The following DSC3 variants were observed in gnomAD, a reference collection of about 807,000 sequenced individuals.
DSC3 encodes desmocollin-3.
In DSC3, 97 loss-of-function variants were observed where a neutral mutation model predicts 89.5. That is an observed-to-expected ratio of 1.08 (90% confidence interval 0.92 to 1.28). DSC3 has a LOEUF of 1.28. DSC3 is among the 50% of genes most tolerant of loss of function. The probability of loss-of-function intolerance (pLI) is 0.00; values close to 1 mark genes in which losing one functional copy is unlikely to be tolerated. For synonymous variants in DSC3, 436 were observed against 384.1 expected, an observed-to-expected ratio of 1.14 and a Z score of -1.58; for missense variants, 1,199 against 1,085.3, an observed-to-expected ratio of 1.10 and a Z score of -1.47.
intron 8 of DSC3, 74 bp downstream of exon 8, chr18:31,018,592 A>T (rs1985311872): frequency 6.8e-7 from 1 of 1,467,278 alleles, no homozygotes; most frequent in African/African-American, 1.4e-5. Context: ...ATGAAGTATT[A>T]ATTTTATTAA....
In DSC3 at chr18:31,008,373, A is replaced by G; in HGVS notation, c.1416T>C (p.Thr472=). The G allele has an allele frequency of 6.2e-7, 1 of 1,614,128 alleles. No homozygotes were observed. The highest frequency in any genetic ancestry group is 8.5e-7 in the Non-Finnish European group (1 of 1,180,024). ...TAATCCGCACATATTGGGCTGCAGGAGTGCATTCAGGCCCCTCATCCAGAT... is the reference window on the plus strand; with the variant it reads ...TAATCCGCACATATTGGGCTGCAGGGGTGCATTCAGGCCCCTCATCCAGAT... The part of the protein sequence containing the change: ...VRDLDEGPEC[T]PAAQYVRIKE... Residue 472 remains threonine, a synonymous_variant, in exon 10 of 16, where the codon ACT becomes ACC. Coordinates refer to ENST00000360428, the MANE Select transcript of DSC3 (RefSeq NM_001941.5).
intron 9 of DSC3, among the ~76,000 whole-genome samples, chr18:31,017,085 A>G (rs1438090139): frequency 6.6e-6 from 1 of 152,178 alleles, no homozygotes; most frequent in Non-Finnish European, 1.5e-5. Context: ...TCTCAACTAT[A>G]AAGCATAATG....
Position 30,989,924 on chromosome 18 carries a change from T to TTATAA in DSC3, c.*4250_*4251insTTATA, listed in dbSNP as rs144075722. 1 of 151,750 alleles carries TTATAA rather than the reference T, an allele frequency of 6.6e-6. No individual in the cohort carries two copies. Among genetic ancestry groups the TTATAA allele is most frequent in the Non-Finnish European group, 1.5e-5 (1 of 67,910 alleles). 9.4% of individuals were successfully genotyped at this position (151,750 alleles called of 1,614,324 possible). ...ACATCCTGCACGTGTATCCTGGAACTTAAAATAAAATAAGTGTTATCAATG... is the reference window on the plus strand; with the variant it reads ...ACATCCTGCACGTGTATCCTGGAACTTATAATAAAATAAAATAAGTGTTATCAATG... On this transcript the variant is annotated 3_prime_UTR_variant, in exon 16 of 16. Transcript: ENST00000360428.
intron 6 of DSC3, among the ~76,000 whole-genome samples, chr18:31,023,833 G>C (rs1192921402): frequency 6.6e-6 from 1 of 152,070 alleles, no homozygotes; most frequent in African/African-American, 2.4e-5. Context: ...TTTGATGTAA[G>C]TTTCTCTGAA....
At chr18:31,019,118 A>T (rs1173586939) in intron 7 of DSC3, among the ~76,000 whole-genome samples, 2 of 151,628 alleles carry the variant, frequency 1.3e-5, no homozygotes, top group African/African-American at 2.4e-5. Flanking sequence ...TTGTCTTGAG[A>T]CGGAGTCTCA....
chr18:31,001,084 T>A (rs1984639589), intron 14 of DSC3, among the ~76,000 whole-genome samples: 1 of 135,502 alleles, frequency 7.4e-6, no homozygotes, highest in African/African-American at 2.8e-5. Context: ...ATACTTTGTG[T>A]GTGTGTATAT....
At chr18:31,023,918 T>A (rs1343223403) in intron 6 of DSC3, among the ~76,000 whole-genome samples, 2 of 151,778 alleles carry the variant, frequency 1.3e-5, no homozygotes, top group East Asian at 3.9e-4. Flanking sequence ...AATAGGAGCA[T>A]AAAAAAAACT....
intron 1 of DSC3, among the ~76,000 whole-genome samples, chr18:31,036,256 TTGCCAACCTAATGG>T (rs1471828823): frequency 6.6e-6 from 1 of 152,208 alleles, no homozygotes; most frequent in African/African-American, 2.4e-5. Context: ...TTTTTCCATG[TTGCCAACCTAATGG>T]CTGTTTTAAT....
At chr18:31,023,195 C>T (rs1985483076) in intron 6 of DSC3, among the ~76,000 whole-genome samples, 1 of 152,034 alleles carries the variant, frequency 6.6e-6, no homozygotes, top group Non-Finnish European at 1.5e-5. Flanking sequence ...AAAGCATACC[C>T]CATTGCTAAT....
chr18:31,015,865 T>C (rs558052043), intron 9 of DSC3, among the ~76,000 whole-genome samples: 4 of 152,302 alleles, frequency 2.6e-5, no homozygotes, highest in South Asian at 2.1e-4. Flanking sequence ...GGACTTGTTT[T>C]CTGAGCATCA....
In DSC3 at chr18:30,998,877, G is replaced by T. The variant is rs570257084; in HGVS notation, c.2236-1829C>A. Among the ~76,000 whole-genome samples, 5 of 152,296 alleles carry T rather than the reference G, an allele frequency of 3.3e-5. No individual in the cohort carries two copies. The South Asian group carries it at 1.0e-3, about 32-fold the overall frequency. ...TAAGTGAAAGAATAGCCATTGATGA[G>T]CTTTGCCAAAAGAATTTCCAGGGAG... On this transcript the variant is annotated intron_variant, in intron 14 of 15. Coordinates refer to ENST00000360428, the MANE Select transcript of DSC3 (RefSeq NM_001941.5).
At chr18:31,018,895 C>T in intron 7 of DSC3, 95 bp from the exon 8 acceptor site, 2 of 1,145,582 alleles carry the variant, frequency 1.7e-6, no homozygotes, top group Non-Finnish European at 2.5e-6. Flanking sequence ...CACATACACA[C>T]ACATCTGTGT....
At chr18:31,030,370 C>A (rs556071693) in intron 3 of DSC3, among the ~76,000 whole-genome samples, 2 of 152,298 alleles carry the variant, frequency 1.3e-5, no homozygotes, top group Admixed American at 6.5e-5. Flanking sequence ...TAAGCTGTAA[C>A]TTAAATTAGC....
chr18:31,042,008 C>A (rs1361158110), intron 1 of DSC3, among the ~76,000 whole-genome samples: 1 of 152,014 alleles, frequency 6.6e-6, no homozygotes, highest in African/African-American at 2.4e-5. Context: ...GGGTGGCTGG[C>A]GGGGGTGGAC....
At chr18:31,004,815 G>T (rs971662181) in intron 12 of DSC3, among the ~76,000 whole-genome samples, 2 of 152,134 alleles carry the variant, frequency 1.3e-5, no homozygotes, top group Non-Finnish European at 2.9e-5. Context: ...GATTGTTTAC[G>T]ATTAACACCT....
chr18:31,040,238 C>T (rs1472551744), intron 1 of DSC3, among the ~76,000 whole-genome samples: 1 of 151,844 alleles, frequency 6.6e-6, no homozygotes, highest in Admixed American at 6.6e-5. Context: ...ATGGATTAGC[C>T]GTGTCCAAGT....
At chr18:31,005,457 G>T (rs1220279634) in intron 12 of DSC3, among the ~76,000 whole-genome samples, 1 of 152,112 alleles carries the variant, frequency 6.6e-6, no homozygotes, top group Non-Finnish European at 1.5e-5. Flanking sequence ...ATGCATAATT[G>T]CTGTTGCCTA....
At position 31,018,577 on chromosome 18, in the gene DSC3, A is replaced by C. The variant is rs192513773; in HGVS notation, c.1077+89T>G. 1.4e-4 allele frequency: 193 copies of C among 1,371,000 alleles called. 6 individuals carry two copies. The East Asian group carries it at 1.5e-3, about 11-fold the overall frequency. The allele number at this position is 1,371,000 out of a possible 1,614,324, so 84.9% of individuals were successfully genotyped here. A position where few individuals can be genotyped will look rare whatever the true frequency, so the allele number is the denominator to read the frequency against. ...AAATACGTATACGTCAAAGTATGAT[A>C]CTTCATGAAGTATTAATTTTATTAA... On this transcript the variant is annotated intron_variant, in intron 8 of 15. Coordinates refer to ENST00000360428, the MANE Select transcript of DSC3 (RefSeq NM_001941.5).
At chr18:31,016,803 A>G (rs1985250689) in intron 9 of DSC3, among the ~76,000 whole-genome samples, 1 of 152,184 alleles carries the variant, frequency 6.6e-6, no homozygotes, top group South Asian at 2.1e-4. Flanking sequence ...TGAGGGGATA[A>G]TTATGAGGCA....
Sources: allele counts gnomAD v4.1 joint callset (sites outside exome capture counted in the v4.1 genomes callset), GRCh38; gene constraint gnomAD v4.1.1; transcripts MANE v1.5; gene names NCBI Gene and HGNC (gene_info 2026-07-23, HGNC 2026-07-21).